Variants in PCDHA5 observed in about 807,000 individuals in gnomAD.
PCDHA5 encodes protocadherin alpha-5.
A neutral mutation model predicts 61.6 loss-of-function variants in PCDHA5; 43 were observed. The observed-to-expected ratio is 0.70, with a 90% CI of 0.55 to 0.90. The LOEUF is 0.90. PCDHA5 is among the 40% of genes least tolerant of loss of function. The pLI, the probability that PCDHA5 is intolerant of heterozygous loss-of-function variation, is 0.00. For missense variants in PCDHA5, 1,298 were observed against 1,222.7 expected (o/e 1.06, Z -0.92); for synonymous variants, 627 against 543.9 (o/e 1.15, Z -2.13).
At chr5:140,886,361 G>A (rs374709389) in intron 1 of PCDHA5, among the ~76,000 whole-genome samples, 1 of 151,992 alleles carries the variant, frequency 6.6e-6, no homozygotes, top group African/African-American at 2.4e-5. Context: ...TTACATAGGT[G>A]TACATGCCAT....
At chr5:140,963,060 T>C (rs539314958) in intron 1 of PCDHA5, among the ~76,000 whole-genome samples, 11 of 152,154 alleles carry the variant, frequency 7.2e-5, no homozygotes, top group Non-Finnish European at 1.6e-4. Context: ...GGTTTCTACA[T>C]TGTGAAGGAG....
chr5:140,885,727 A>G (rs539866953), intron 1 of PCDHA5, among the ~76,000 whole-genome samples: 1 of 152,308 alleles, frequency 6.6e-6, no homozygotes, highest in South Asian at 2.1e-4. Context: ...TCTCTGTGAA[A>G]TGATATTTCA....
chr5:140,965,401 A>C (rs546046699), intron 1 of PCDHA5, among the ~76,000 whole-genome samples: 1 of 152,166 alleles, frequency 6.6e-6, no homozygotes, highest in Non-Finnish European at 1.5e-5. Flanking sequence ...AAGTCTAAGG[A>C]GTCTTATATT....
intron 3 of PCDHA5, among the ~76,000 whole-genome samples, chr5:141,008,432 C>T (rs2098376587): frequency 6.6e-6 from 1 of 152,082 alleles, no homozygotes. Context: ...ATCACTTTGC[C>T]CAGACAGACC....
At chr5:140,981,537 G>A (rs375537131) in intron 2 of PCDHA5, among the ~76,000 whole-genome samples, 2 of 152,172 alleles carry the variant, frequency 1.3e-5, no homozygotes, top group East Asian at 1.9e-4. Flanking sequence ...TCGTGCCACT[G>A]TACTCCAGCC....
At chr5:140,926,115 A>G (rs1554203115) in intron 1 of PCDHA5, among the ~76,000 whole-genome samples, 1 of 152,134 alleles carries the variant, frequency 6.6e-6, no homozygotes, top group East Asian at 1.9e-4. Context: ...AGGGTGCAGG[A>G]CAGACTTCAA....
intron 1 of PCDHA5, among the ~76,000 whole-genome samples, chr5:140,831,531 T>C (rs1485160506): frequency 6.6e-6 from 1 of 150,388 alleles, no homozygotes; most frequent in Non-Finnish European, 1.5e-5. Flanking sequence ...TTTTTTTTTT[T>C]TTTTTTTTTT....
intron 1 of PCDHA5, chr5:140,850,145 G>T: frequency 1.3e-6 from 2 of 1,595,560 alleles, no homozygotes; most frequent in South Asian, 1.1e-5. Context: ...GCAACGTGAC[G>T]CTGCAGGTGT....
intron 1 of PCDHA5, among the ~76,000 whole-genome samples, chr5:140,937,282 C>T (rs2091446146): frequency 6.6e-6 from 1 of 152,060 alleles, no homozygotes; most frequent in Admixed American, 6.6e-5. Context: ...CGTGATTCAC[C>T]CGCTTCGGCC....
intron 1 of PCDHA5, among the ~76,000 whole-genome samples, chr5:140,889,202 T>G (rs1329949873): frequency 6.6e-6 from 1 of 151,910 alleles, no homozygotes; most frequent in Non-Finnish European, 1.5e-5. Context: ...ACTTGAATAC[T>G]TAACAAAGAA....
Position 140,869,617 on chromosome 5 carries a change from C to G in PCDHA5, c.2352+45490C>G, listed in dbSNP as rs782525218. The stretch of plus-strand genomic sequence containing the variant: ...AGAGAATGCTCTATTGACCTACAGG[C>G]TAAGTAAAAATGAGTATTTTTCTTT... On this transcript the variant is annotated intron_variant, in intron 1 of 3. Transcript: ENST00000529859. 5 of 1,613,828 alleles carry G rather than the reference C, an allele frequency of 3.1e-6. No homozygotes were observed. The highest frequency in any genetic ancestry group is 4.2e-6 in the Non-Finnish European group (5 of 1,179,910).
intron 1 of PCDHA5, chr5:140,877,976 C>T: frequency 8.0e-7 from 1 of 1,255,054 alleles, no homozygotes. Flanking sequence ...GTCATTCTTA[C>T]TCATTTTGAA....
At chr5:140,870,019 A>C (rs371365026) in intron 1 of PCDHA5, 6 of 1,613,574 alleles carry the variant, frequency 3.7e-6, no homozygotes, top group Non-Finnish European at 5.1e-6. Context: ...GGTCAATGGA[A>C]CTTTAGATTA....
At chr5:140,969,450 G>A (rs1554231822) in intron 1 of PCDHA5, 4 of 1,511,552 alleles carry the variant, frequency 2.6e-6, no homozygotes, top group Non-Finnish European at 3.6e-6. Flanking sequence ...GGTAAACTGA[G>A]TATATATAGT....
Position 140,822,678 on chromosome 5 carries a change from A to G in PCDHA5, c.903A>G (p.Ile301Met), listed in dbSNP as rs2150118464. The G allele has an allele frequency of 3.1e-6, 5 of 1,609,592 alleles. No individual in the cohort carries two copies. In the African/African-American group the frequency reaches 4.0e-5, roughly 13 times the overall value. ...KFIINSNTGE[I>M]KVNGELDYED... ...TAATTAATTCTAATACTGGTGAAAT[A>G]AAAGTTAACGGGGAACTGGATTATG... is the stretch of plus-strand genomic sequence containing the variant. The change falls in exon 1 of 4, where the codon ATA (isoleucine) becomes ATG (methionine). Residue 301 changes from isoleucine (I) to methionine (M), a missense_variant. Ile to Met is a conservative substitution (Grantham distance 10). Transcript: ENST00000529859.
At chr5:140,957,893 C>T (rs1554223179) in intron 1 of PCDHA5, among the ~76,000 whole-genome samples, 1 of 151,938 alleles carries the variant, frequency 6.6e-6, no homozygotes, top group Non-Finnish European at 1.5e-5. Flanking sequence ...AAGTTGGCAT[C>T]AACCAAGGCA....
chr5:140,830,219 C>G (rs2150182909), intron 1 of PCDHA5: 3 of 1,613,894 alleles, frequency 1.9e-6, no homozygotes, highest in Admixed American at 3.3e-5. Context: ...GGTATCCAGC[C>G]TGCTGGTCCT....
At chr5:140,901,674 G>C (rs1387047115) in intron 1 of PCDHA5, among the ~76,000 whole-genome samples, 5 of 152,034 alleles carry the variant, frequency 3.3e-5, no homozygotes, top group African/African-American at 9.7e-5. Flanking sequence ...GATACCTTTA[G>C]GTATTATGGG....
chr5:140,887,711 T>C (rs1486449046), intron 1 of PCDHA5, among the ~76,000 whole-genome samples: 1 of 152,198 alleles, frequency 6.6e-6, no homozygotes, highest in African/African-American at 2.4e-5. Context: ...ATACTTCTTC[T>C]AATAGTTTTT....
Sources: gnomAD v4.1 joint callset for allele counts (sites outside exome capture counted in the v4.1 genomes callset) on GRCh38, gnomAD v4.1.1 for gene constraint, MANE v1.5 for transcripts, NCBI Gene and HGNC (gene_info 2026-07-23, HGNC 2026-07-21) for gene names.